SLC4A5: variants seen among roughly 807,000 people sequenced by gnomAD.
SLC4A5 encodes the protein solute carrier family 4 member 5, also known as electrogenic sodium bicarbonate cotransporter 4.
A neutral mutation model predicts 120.4 loss-of-function variants in SLC4A5; 96 were observed. That is an observed-to-expected ratio of 0.80 (90% CI 0.68 to 0.94). The LOEUF is 0.94. SLC4A5 is among the 40% of genes least tolerant of loss of function. The probability of loss-of-function intolerance (pLI) is 0.00; values close to 1 mark genes in which losing one functional copy is unlikely to be tolerated. For synonymous variants in SLC4A5, 550 were observed against 571.1 expected (o/e 0.96, Z 0.53); for missense variants, 1,259 against 1,459.5 (o/e 0.86, Z 2.24).
At chr2:74,318,220 AC>A (rs1279112176) in intron 5 of SLC4A5, among the ~76,000 whole-genome samples, 4 of 152,362 alleles carry the variant, frequency 2.6e-5, no homozygotes, top group Non-Finnish European at 4.4e-5. Context: ...AAAGAAAAAA[AC>A]AAATAACCCC....
chr2:74,310,949 T>C (rs959130729), intron 6 of SLC4A5, among the ~76,000 whole-genome samples: 3 of 151,288 alleles, frequency 2.0e-5, no homozygotes, highest in African/African-American at 7.3e-5. Flanking sequence ...TTTTTTTTTT[T>C]GGTAAGTTGT....
At chr2:74,310,775 C>T (rs1672781309) in intron 6 of SLC4A5, among the ~76,000 whole-genome samples, 1 of 152,000 alleles carries the variant, frequency 6.6e-6, no homozygotes, top group Non-Finnish European at 1.5e-5. Flanking sequence ...TCTTGTCATG[C>T]CTTTATCTCA....
intron 28 of SLC4A5, 83 bp downstream of exon 28, chr2:74,224,757 G>A: frequency 6.5e-7 from 1 of 1,539,804 alleles, no homozygotes; most frequent in Non-Finnish European, 8.7e-7. Flanking sequence ...CACCCAAGAA[G>A]CCGCCCTCTC....
chr2:74,234,707 G>A (rs1670212545), intron 22 of SLC4A5, among the ~76,000 whole-genome samples: 1 of 152,338 alleles, frequency 6.6e-6, no homozygotes, highest in African/African-American at 2.4e-5. Context: ...GTGATGCCAT[G>A]ATATTGGTCT....
In SLC4A5 at chr2:74,229,039, T is replaced by C. The variant is rs575043847; in HGVS notation, c.2848-1161A>G. The stretch of plus-strand genomic sequence containing the variant: ...GCACTCCGGAGAGCACAGAGCACTA[T>C]GCCAACACTAGGAGGGCTTTAGAGG... On this transcript the variant is annotated intron_variant, in intron 25 of 30. Coordinates refer to ENST00000394019, the Ensembl canonical transcript of SLC4A5. Among the ~76,000 whole-genome samples, 783 of 148,740 alleles carry C rather than the reference T, an allele frequency of 5.3e-3. 11 individuals are homozygous for C. The highest frequency in any genetic ancestry group is 0.018 in the African/African-American group (722 of 40,616).
At chr2:74,311,401 T>C (rs1672801159) in intron 6 of SLC4A5, among the ~76,000 whole-genome samples, 1 of 152,198 alleles carries the variant, frequency 6.6e-6, no homozygotes, top group Non-Finnish European at 1.5e-5. Context: ...GTTGTTGCTT[T>C]TAGATCTTTC....
At chr2:74,328,088 A>G (rs1673261860) in intron 5 of SLC4A5, 32 bp downstream of exon 5, 1 of 980,706 alleles carries the variant, frequency 1.0e-6, no homozygotes, top group South Asian at 4.7e-5. Context: ...AGCTCTGTCT[A>G]CTTTCTCTGA....
At chr2:74,244,468 CTCTT>C (rs35563879) in intron 19 of SLC4A5, among the ~76,000 whole-genome samples, 6 of 146,100 alleles carry the variant, frequency 4.1e-5, no homozygotes, top group Non-Finnish European at 7.5e-5. Flanking sequence ...CCTTTTCTTT[CTCTT>C]TCTTTCTTCT....
At chr2:74,221,800 G>A (rs1226284219) in intron 29 of SLC4A5, among the ~76,000 whole-genome samples, 2 of 152,102 alleles carry the variant, frequency 1.3e-5, no homozygotes, top group East Asian at 3.9e-4. Flanking sequence ...GTGCTGATGG[G>A]AAGGATGCCC....
At chr2:74,229,947 T>C (rs1354667333) in intron 25 of SLC4A5, among the ~76,000 whole-genome samples, 1 of 150,050 alleles carries the variant, frequency 6.7e-6, no homozygotes, top group East Asian at 2.0e-4. Context: ...AGTGGCATGA[T>C]CATGGCTCAC....
At chr2:74,336,352 A>C (rs1259087146) in intron 3 of SLC4A5, among the ~76,000 whole-genome samples, 10 of 152,164 alleles carry the variant, frequency 6.6e-5, no homozygotes. Flanking sequence ...TACAGGAGTA[A>C]GCCACCACGC....
chr2:74,305,039 C>T (rs1672600388), intron 6 of SLC4A5, among the ~76,000 whole-genome samples: 1 of 152,180 alleles, frequency 6.6e-6, no homozygotes. Flanking sequence ...GCCAAGTGCC[C>T]TCTTTGATTG....
chr2:74,237,313 G>A (rs562397896), intron 21 of SLC4A5, among the ~76,000 whole-genome samples: 21 of 152,266 alleles, frequency 1.4e-4, no homozygotes, highest in Non-Finnish European at 2.4e-4. Context: ...CGGAAAAAAT[G>A]TTGTTGGCAC....
exon 26 of SLC4A5, chr2:74,227,856 T>G: frequency 3.1e-6 from 5 of 1,611,138 alleles, no homozygotes; most frequent in Non-Finnish European, 3.4e-6. Flanking sequence ...GAAGACTCCG[T>G]ACAGCACCGG....
chr2:74,259,221 C>T (rs1202618235), intron 12 of SLC4A5, among the ~76,000 whole-genome samples: 3 of 152,176 alleles, frequency 2.0e-5, no homozygotes, highest in Admixed American at 6.5e-5. Flanking sequence ...TGTCTCTCTG[C>T]CAGCCCCAGT....
At chr2:74,292,061 T>C (rs1177154548) in intron 7 of SLC4A5, among the ~76,000 whole-genome samples, 1 of 152,182 alleles carries the variant, frequency 6.6e-6, no homozygotes, top group Non-Finnish European at 1.5e-5. Flanking sequence ...TGGCAAGACA[T>C]CAAGCTCCCA....
chr2:74,301,774 G>A (rs368242155), intron 7 of SLC4A5, among the ~76,000 whole-genome samples: 3 of 152,182 alleles, frequency 2.0e-5, no homozygotes, highest in Non-Finnish European at 2.9e-5. Flanking sequence ...CTTCCACTCC[G>A]TGAAGAACAG....
rs1416283900 is a variant in SLC4A5, at chr2:74,314,935, G to A, written c.79+10C>T. The stretch of plus-strand genomic sequence containing the variant: ...CTGAGATTTGCATCAAGTCCTCAAA[G>A]TGACCTCACCTTTCTGATCCGGAAA... On this transcript the variant is annotated intron_variant, in intron 6 of 30. Transcript: ENST00000394019. 6.2e-7 allele frequency: 1 copy of A among 1,613,016 alleles called. No homozygotes were observed. Among genetic ancestry groups the A allele is most frequent in the Admixed American group, 1.7e-5 (1 of 59,996 alleles).
chr2:74,326,057 T>C (rs1403794382), intron 5 of SLC4A5, among the ~76,000 whole-genome samples: 3 of 152,154 alleles, frequency 2.0e-5, no homozygotes, highest in Non-Finnish European at 4.4e-5. Context: ...AGGCCCTTCC[T>C]GAGGCCTGGC....
Sources: gnomAD v4.1 joint callset for allele counts (sites outside exome capture counted in the v4.1 genomes callset) on GRCh38, gnomAD v4.1.1 for gene constraint, MANE v1.5 for transcripts, NCBI Gene and HGNC (gene_info 2026-07-23, HGNC 2026-07-21) for gene names.